POU6F2: variants seen among roughly 807,000 people sequenced by gnomAD.
The protein encoded by POU6F2 is POU class 6 homeobox 2.
A neutral mutation model predicts 71.3 loss-of-function variants in POU6F2; 31 were observed. That is an observed-to-expected ratio of 0.43 (90% CI 0.33 to 0.59). POU6F2 has a LOEUF of 0.59. Among genes scored for constraint, POU6F2 ranks in the 20% least tolerant of loss-of-function variants. The pLI is 0.04. For missense variants in POU6F2, 783 were observed against 856.8 expected, an observed-to-expected ratio of 0.91 and a Z score of 1.07; for synonymous variants, 347 against 355.7, an observed-to-expected ratio of 0.98 and a Z score of 0.27.
chr7:38,978,320 C>G (rs935398477), intron 1 of POU6F2, among the ~76,000 whole-genome samples: 10 of 152,154 alleles, frequency 6.6e-5, no homozygotes, highest in Non-Finnish European at 1.3e-4. Context: ...ATAATTTGGT[C>G]TGAATGTTTC....
intron 6 of POU6F2, 84 bp from the exon 7 acceptor site, chr7:39,432,993 G>A: frequency 7.2e-7 from 1 of 1,393,724 alleles, no homozygotes; most frequent in South Asian, 1.3e-5. Context: ...GAGCATCCTA[G>A]AGAGACCAGG....
intron 1 of POU6F2, among the ~76,000 whole-genome samples, chr7:39,015,700 T>TATATATATAGATATATA (rs1554308032): frequency 2.4e-5 from 2 of 84,490 alleles, no homozygotes; most frequent in East Asian, 5.6e-4. Context: ...CTATATATTA[T>TATATATATAGATATATA]ATATATCTAT....
At chr7:39,212,817 A>G (rs1200035036) in intron 4 of POU6F2, among the ~76,000 whole-genome samples, 4 of 152,260 alleles carry the variant, frequency 2.6e-5, no homozygotes, top group African/African-American at 9.6e-5. Context: ...GTCCTAGGGT[A>G]AAAACAGAGG....
At chr7:39,151,819 T>C (rs1216714113) in intron 2 of POU6F2, among the ~76,000 whole-genome samples, 1 of 152,122 alleles carries the variant, frequency 6.6e-6, no homozygotes, top group Non-Finnish European at 1.5e-5. Context: ...TCAAATCCAG[T>C]TCTTCCAAGA....
intron 1 of POU6F2, among the ~76,000 whole-genome samples, chr7:39,032,538 G>GA (rs1789967527): frequency 6.6e-6 from 1 of 152,088 alleles, no homozygotes; most frequent in South Asian, 2.1e-4. Context: ...TTTGCCCAAG[G>GA]ATGTTGTACA....
At chr7:39,455,227 AT>A (rs551854596) in intron 8 of POU6F2, among the ~76,000 whole-genome samples, 4 of 152,144 alleles carry the variant, frequency 2.6e-5, no homozygotes, top group African/African-American at 7.2e-5. Context: ...CACTTGCTGG[AT>A]TTTTTTCCAG....
intron 7 of POU6F2, among the ~76,000 whole-genome samples, chr7:39,444,310 G>T (rs553997077): frequency 6.6e-6 from 1 of 152,212 alleles, no homozygotes; most frequent in Non-Finnish European, 1.5e-5. Context: ...AAGGCCGGGC[G>T]CAGTGGCTCG....
In POU6F2 at chr7:39,397,554, G is replaced by A. The variant is rs144183986; in HGVS notation, c.973-9046G>A. On this transcript the variant is annotated intron_variant, in intron 5 of 9. Coordinates refer to ENST00000518318, the MANE Select transcript of POU6F2 (RefSeq NM_001370959.1). The stretch of plus-strand genomic sequence containing the variant: ...TGTCACCAGGCTGGAGTACAATGGC[G>A]CAATCTGGACTTACTGCAACCTTCG... Among the ~76,000 whole-genome samples, 1,367 of 148,524 alleles carry A rather than the reference G, an allele frequency of 9.2e-3. 15 individuals are homozygous for A. Among genetic ancestry groups the A allele is most frequent in the African/African-American group, 0.032 (1,314 of 40,704 alleles).
At chr7:39,207,283 G>T in intron 3 of POU6F2, 109 bp from the exon 4 acceptor site, 1 of 993,306 alleles carries the variant, frequency 1.0e-6, no homozygotes. Context: ...ATGTTTTTTG[G>T]TACTTCTTCG....
At chr7:39,463,663 A>G (rs1448132128) in intron 9 of POU6F2, among the ~76,000 whole-genome samples, 1 of 152,230 alleles carries the variant, frequency 6.6e-6, no homozygotes, top group Non-Finnish European at 1.5e-5. Flanking sequence ...AAAAGTCCCA[A>G]TGGCCATCAG....
At chr7:39,171,894 A>G (rs1562732814) in intron 2 of POU6F2, among the ~76,000 whole-genome samples, 1 of 152,194 alleles carries the variant, frequency 6.6e-6, no homozygotes, top group African/African-American at 2.4e-5. Flanking sequence ...CAACAGTTTC[A>G]TGACTGTTAA....
chr7:39,070,618 G>A (rs1790859389), intron 1 of POU6F2, among the ~76,000 whole-genome samples: 1 of 151,548 alleles, frequency 6.6e-6, no homozygotes. Flanking sequence ...CTCTCCCCAA[G>A]AGGGCACTAA....
intron 7 of POU6F2, 53 bp downstream of exon 7, chr7:39,433,336 C>T: frequency 6.3e-7 from 1 of 1,588,160 alleles, no homozygotes; most frequent in South Asian, 1.1e-5. Context: ...CCTTACCCAG[C>T]TTCTCCTCTT....
chr7:39,055,396 T>C (rs1335487124), intron 1 of POU6F2, among the ~76,000 whole-genome samples: 1 of 152,164 alleles, frequency 6.6e-6, no homozygotes, highest in African/African-American at 2.4e-5. Flanking sequence ...AGCAATCCAC[T>C]AGATTAAGAA....
chr7:39,419,267 C>T (rs569690377), intron 6 of POU6F2, among the ~76,000 whole-genome samples: 75 of 151,592 alleles, frequency 4.9e-4, no homozygotes, highest in African/African-American at 1.7e-3. Flanking sequence ...GGGACTGAAT[C>T]TCACTCTGTC....
At chr7:38,984,159 G>A (rs1023051476) in intron 1 of POU6F2, 2 of 151,934 alleles carry the variant, frequency 1.3e-5, no homozygotes, top group African/African-American at 4.8e-5. Context: ...TTTTCCCATG[G>A]GAAAAAGTAC....
intron 2 of POU6F2, among the ~76,000 whole-genome samples, chr7:39,166,780 G>A (rs138808208): frequency 1.5e-3 from 221 of 152,186 alleles, no homozygotes; most frequent in African/African-American, 4.5e-3. Context: ...TGTTCACCTC[G>A]CCCTAGTAAG....
At chr7:39,135,837 T>A (rs1158584378) in intron 2 of POU6F2, among the ~76,000 whole-genome samples, 1 of 152,192 alleles carries the variant, frequency 6.6e-6, no homozygotes, top group African/African-American at 2.4e-5. Flanking sequence ...AGTAAAATTA[T>A]GGTTCTGTGA....
intron 5 of POU6F2, among the ~76,000 whole-genome samples, chr7:39,386,558 G>T (rs1412952469): frequency 6.6e-6 from 1 of 152,168 alleles, no homozygotes; most frequent in East Asian, 1.9e-4. Context: ...TAACAGGAGG[G>T]TGATCTCAGC....
Sources: allele counts gnomAD v4.1 joint callset (sites outside exome capture counted in the v4.1 genomes callset), GRCh38; gene constraint gnomAD v4.1.1; transcripts MANE v1.5; gene names NCBI Gene and HGNC (gene_info 2026-07-23, HGNC 2026-07-21).